The following BRINP3 variants were observed in gnomAD, a reference collection of about 807,000 sequenced individuals.
BRINP3 encodes the protein BMP/retinoic acid-inducible neural-specific protein 3.
Under a neutral mutation model 71.0 loss-of-function variants are expected in BRINP3, and 19 were observed. That is an observed-to-expected ratio of 0.27 (90% CI 0.19 to 0.39). BRINP3 has a LOEUF of 0.39. BRINP3 is among the 10% of genes least tolerant of loss of function. The pLI, the probability that BRINP3 is intolerant of heterozygous loss-of-function variation, is 1.00. For missense variants in BRINP3, 959 were observed against 940.8 expected (o/e 1.02, Z -0.25); for synonymous variants, 380 against 337.7 (o/e 1.13, Z -1.37).
At chr1:190,188,693 G>A (rs1337179218) in intron 6 of BRINP3, among the ~76,000 whole-genome samples, 1 of 150,436 alleles carries the variant, frequency 6.6e-6, no homozygotes, top group Non-Finnish European at 1.5e-5. Context: ...ATATCCCTGG[G>A]ATAAATCCCA....
chr1:190,164,695 A>G (rs1444378305), intron 6 of BRINP3, among the ~76,000 whole-genome samples: 1 of 151,988 alleles, frequency 6.6e-6, no homozygotes, highest in Non-Finnish European at 1.5e-5. Flanking sequence ...GGCTCACGCA[A>G]TTCTCCGGCC....
chr1:190,189,145 A>T (rs1653807517), intron 6 of BRINP3, among the ~76,000 whole-genome samples: 1 of 152,110 alleles, frequency 6.6e-6, no homozygotes, highest in Non-Finnish European at 1.5e-5. Context: ...TATAAGGATG[A>T]TGCTGGCCTT....
At chr1:190,170,634 T>C (rs1000594403) in intron 6 of BRINP3, among the ~76,000 whole-genome samples, 8 of 152,132 alleles carry the variant, frequency 5.3e-5, no homozygotes, top group African/African-American at 1.2e-4. Flanking sequence ...TAAAGAGAAG[T>C]CAGGTTGAAA....
At chr1:190,160,945 T>C (rs1180947087) in intron 6 of BRINP3, 55 bp from the exon 7 acceptor site, 61 of 1,283,628 alleles carry the variant, frequency 4.8e-5, no homozygotes, top group Non-Finnish European at 6.5e-5. Flanking sequence ...TTTTTGTTTT[T>C]CACAAACACG....
At chr1:190,280,082 T>G (rs1172901029) in intron 3 of BRINP3, among the ~76,000 whole-genome samples, 1 of 151,940 alleles carries the variant, frequency 6.6e-6, no homozygotes, top group Non-Finnish European at 1.5e-5. Flanking sequence ...GCCAAATAAT[T>G]AAAATAATTT....
chr1:190,302,153 CATT>C, intron 2 of BRINP3, among the ~76,000 whole-genome samples: 1 of 150,696 alleles, frequency 6.6e-6, no homozygotes, highest in Admixed American at 6.6e-5. Context: ...GCAAATGACA[CATT>C]ATTATTCCCC....
At chr1:190,344,235 A>G (rs1667863445) in intron 2 of BRINP3, among the ~76,000 whole-genome samples, 1 of 151,816 alleles carries the variant, frequency 6.6e-6, no homozygotes, top group Non-Finnish European at 1.5e-5. Context: ...AACTGTGCCA[A>G]TTGTTTAACA....
At chr1:190,344,989 C>A (rs1054400670) in intron 2 of BRINP3, among the ~76,000 whole-genome samples, 1 of 151,700 alleles carries the variant, frequency 6.6e-6, no homozygotes, top group Non-Finnish European at 1.5e-5. Flanking sequence ...ATATGCATTA[C>A]GTACATTGTC....
At chr1:190,151,177 C>T (rs994159149) in intron 7 of BRINP3, among the ~76,000 whole-genome samples, 1 of 151,912 alleles carries the variant, frequency 6.6e-6, no homozygotes, top group Non-Finnish European at 1.5e-5. Flanking sequence ...AAATGATGTT[C>T]AGATTCCTAT....
chr1:190,400,593 A>G (rs1434140162), intron 2 of BRINP3, among the ~76,000 whole-genome samples: 1 of 152,154 alleles, frequency 6.6e-6, no homozygotes, highest in Non-Finnish European at 1.5e-5. Flanking sequence ...GTTTTCTTCC[A>G]TGATTTTATA....
chr1:190,154,123 A>G (rs1402827260), intron 7 of BRINP3: 8 of 899,474 alleles, frequency 8.9e-6, no homozygotes, highest in Non-Finnish European at 1.1e-5. Context: ...GGGGAAAGAG[A>G]TAAAAAAGAT....
intron 7 of BRINP3, among the ~76,000 whole-genome samples, chr1:190,099,494 G>A (rs1651506777): frequency 6.6e-6 from 1 of 152,138 alleles, no homozygotes; most frequent in African/African-American, 2.4e-5. Context: ...GGTCATTATT[G>A]TTTTGAAATA....
intron 2 of BRINP3, among the ~76,000 whole-genome samples, chr1:190,364,062 GA>G (rs11343283): frequency 0.75 from 114,028 of 151,220 alleles, 43,100 homozygotes; most frequent in Non-Finnish European, 0.79. Flanking sequence ...CTCCTTCTTA[GA>G]AAAAAAAAAG....
chr1:190,254,168 A>G (rs1571523404), intron 4 of BRINP3, among the ~76,000 whole-genome samples: 1 of 152,284 alleles, frequency 6.6e-6, no homozygotes, highest in Admixed American at 6.5e-5. Context: ...TGGTTACTGT[A>G]GACTTGTAGT....
intron 2 of BRINP3, among the ~76,000 whole-genome samples, chr1:190,405,637 A>G (rs1672235233): frequency 6.6e-6 from 1 of 152,114 alleles, no homozygotes; most frequent in South Asian, 2.1e-4. Context: ...GACGCAAGAC[A>G]CAGGCAGAGA....
chr1:190,333,502 A>G (rs934168869), intron 2 of BRINP3, among the ~76,000 whole-genome samples: 4 of 151,978 alleles, frequency 2.6e-5, no homozygotes, highest in African/African-American at 9.7e-5. Flanking sequence ...CAAACTAAAT[A>G]TGCATTATTA....
At chr1:190,226,596 T>C (rs983244284) in intron 5 of BRINP3, among the ~76,000 whole-genome samples, 2 of 151,998 alleles carry the variant, frequency 1.3e-5, no homozygotes, top group Admixed American at 1.3e-4. Flanking sequence ...TTTATCACAA[T>C]ATTTGGTTAT....
At chr1:190,099,297 T>TACAC (rs56359524) in intron 7 of BRINP3, among the ~76,000 whole-genome samples, 163 bp from the exon 8 acceptor site, 30 of 149,332 alleles carry the variant, frequency 2.0e-4, no homozygotes, top group African/African-American at 3.4e-4. Context: ...GACTATATAA[T>TACAC]ACACACACAC....
intron 2 of BRINP3, among the ~76,000 whole-genome samples, chr1:190,385,922 TC>T (rs1256800820): frequency 1.4e-5 from 2 of 147,258 alleles, no homozygotes; most frequent in Non-Finnish European, 3.0e-5. Context: ...TGAGTTCATG[TC>T]CTTTGTAGGG....
Sources: allele counts gnomAD v4.1 joint callset (sites outside exome capture counted in the v4.1 genomes callset), GRCh38; gene constraint gnomAD v4.1.1; transcripts MANE v1.5; gene names NCBI Gene and HGNC (gene_info 2026-07-23, HGNC 2026-07-21).